Variants in SLC35F3 observed in about 807,000 individuals in gnomAD.
SLC35F3 encodes the protein solute carrier family 35 member F3, also known as putative thiamine transporter SLC35F3.
SLC35F3 carries 25 observed loss-of-function variants against 49.9 expected under a neutral mutation model. The ratio of observed to expected loss-of-function variants is 0.50; its 90% CI spans 0.37 to 0.70. The LOEUF (loss-of-function observed/expected upper bound fraction) is 0.70, where lower values mean the gene tolerates loss of function less well. Ranked by LOEUF, SLC35F3 falls within the 30% of genes least tolerant of loss-of-function variation. The probability of loss-of-function intolerance (pLI) is 0.00; values close to 1 mark genes in which losing one functional copy is unlikely to be tolerated. For synonymous variants in SLC35F3, 275 were observed against 265.4 expected (o/e 1.04, Z -0.35); for missense variants, 525 against 639.8 (o/e 0.82, Z 1.94).
At chr1:233,905,499 C>T in intron 1 of SLC35F3, 30 bp from the exon 2 acceptor site, 6 of 1,543,096 alleles carry the variant, frequency 3.9e-6, no homozygotes, top group Non-Finnish European at 3.5e-6. Flanking sequence ...CCCCTGCCCA[C>T]CCACCTGCCC....
chr1:233,979,704 C>T (rs7547991), intron 2 of SLC35F3, among the ~76,000 whole-genome samples: 73,975 of 152,012 alleles, frequency 0.49, 21,107 homozygotes, highest in African/African-American at 0.78. Context: ...ACTTCTTGCT[C>T]CTGGGGTTAA....
Position 234,214,548 on chromosome 1 carries a change from C to G in SLC35F3, c.284-16869C>G. On this transcript the variant is annotated intron_variant, in intron 2 of 7. Transcript: ENST00000366618. The surrounding 1 kb of genome is among the most constrained non-coding windows in gnomAD (Gnocchi z 8.0). ...GCCCCGCTCAGCGCCTGCAACAGTC[C>G]GGTCCTGACCCTTACCAAAGTGGAA... 1.3e-6 allele frequency: 2 copies of G among 1,559,436 alleles called. No individual in the cohort carries two copies. Among genetic ancestry groups the G allele is most frequent in the Non-Finnish European group, 1.7e-6 (2 of 1,155,236 alleles).
At chr1:234,097,971 T>C (rs1303105291) in intron 2 of SLC35F3, among the ~76,000 whole-genome samples, 1 of 151,680 alleles carries the variant, frequency 6.6e-6, no homozygotes, top group African/African-American at 2.4e-5. Flanking sequence ...GTGTTGGTGG[T>C]GGCAGTTCAG....
intron 2 of SLC35F3, among the ~76,000 whole-genome samples, chr1:234,159,556 A>T (rs948349664): frequency 1.3e-5 from 2 of 152,174 alleles, no homozygotes; most frequent in Non-Finnish European, 2.9e-5. Context: ...CGTCTCAAAA[A>T]AAAAAGAACC....
intron 2 of SLC35F3, among the ~76,000 whole-genome samples, chr1:234,108,248 GAT>G (rs1309530306): frequency 5.0e-5 from 4 of 80,552 alleles, no homozygotes; most frequent in South Asian, 3.5e-4. Flanking sequence ...ATATATAAAA[GAT>G]ATATATATTT....
intron 3 of SLC35F3, among the ~76,000 whole-genome samples, chr1:234,255,053 A>G (rs1050599481): frequency 6.6e-6 from 1 of 152,246 alleles, no homozygotes; most frequent in Non-Finnish European, 1.5e-5. Context: ...GCTCTGTGAA[A>G]GAGATTGTTA....
intron 2 of SLC35F3, among the ~76,000 whole-genome samples, chr1:233,928,361 T>TCA (rs1662192383): frequency 6.6e-6 from 1 of 152,168 alleles, no homozygotes; most frequent in African/African-American, 2.4e-5. Context: ...TTTCCTTTAC[T>TCA]CACAAATAAT....
At chr1:234,166,529 G>A (rs1264073855) in intron 2 of SLC35F3, among the ~76,000 whole-genome samples, 1 of 152,156 alleles carries the variant, frequency 6.6e-6, no homozygotes, top group Non-Finnish European at 1.5e-5. Context: ...TGGGCTGTGT[G>A]TGCCTGTCTG....
rs147040837 is a variant in SLC35F3 at position 234,157,182 on chromosome 1, A to G, written c.284-74235A>G. On this transcript the variant is annotated intron_variant, in intron 2 of 7. Transcript: ENST00000366618. ...AGAATGATACTCTTAACAATAGGGGAAAAATCTGTATGTTTTACCTCCTCC... is the reference window on the plus strand; with the variant it reads ...AGAATGATACTCTTAACAATAGGGGGAAAATCTGTATGTTTTACCTCCTCC... Among the ~76,000 whole-genome samples, 680 of 152,296 alleles carry G rather than the reference A, an allele frequency of 4.5e-3. 7 individuals are homozygous for G. Among genetic ancestry groups the G allele is most frequent in the African/African-American group, 0.015 (633 of 41,552 alleles).
At chr1:234,292,079 G>C (rs1668518315) in intron 3 of SLC35F3, among the ~76,000 whole-genome samples, 1 of 152,230 alleles carries the variant, frequency 6.6e-6, no homozygotes, top group Non-Finnish European at 1.5e-5. Flanking sequence ...CTGCATCTTG[G>C]AGTGAGGGAG....
At chr1:234,206,664 A>G (rs1387906459) in intron 2 of SLC35F3, among the ~76,000 whole-genome samples, 1 of 152,130 alleles carries the variant, frequency 6.6e-6, no homozygotes, top group African/African-American at 2.4e-5. Flanking sequence ...CACCGTAGAG[A>G]GTTGACAGCC....
chr1:234,083,423 T>G (rs1250774023), intron 2 of SLC35F3, among the ~76,000 whole-genome samples: 2 of 152,234 alleles, frequency 1.3e-5, no homozygotes, highest in Non-Finnish European at 2.9e-5. Flanking sequence ...TGCTCTGTTG[T>G]GCATTGGCAT....
At chr1:234,081,539 T>A (rs1284314221) in intron 2 of SLC35F3, among the ~76,000 whole-genome samples, 1 of 152,086 alleles carries the variant, frequency 6.6e-6, no homozygotes, top group African/African-American at 2.4e-5. Context: ...GGGGTGAATA[T>A]CCTTCCATTA....
At chr1:234,069,890 A>G (rs780203432) in intron 2 of SLC35F3, among the ~76,000 whole-genome samples, 1 of 152,160 alleles carries the variant, frequency 6.6e-6, no homozygotes, top group Non-Finnish European at 1.5e-5. Context: ...ACTGTGCTAC[A>G]TTCTGGCTGC....
At chr1:234,023,793 G>A (rs904656417) in intron 2 of SLC35F3, among the ~76,000 whole-genome samples, 3 of 150,906 alleles carry the variant, frequency 2.0e-5, no homozygotes, top group African/African-American at 7.3e-5. Context: ...CTTCTTCCCC[G>A]AGCCCAATAA....
chr1:234,228,675 T>C (rs1667323087), intron 2 of SLC35F3, among the ~76,000 whole-genome samples: 1 of 152,084 alleles, frequency 6.6e-6, no homozygotes. Flanking sequence ...TTTTTCAGTG[T>C]GTGTGTGTGG....
intron 2 of SLC35F3, among the ~76,000 whole-genome samples, chr1:233,955,781 T>TC (rs1662688165): frequency 6.6e-6 from 1 of 151,530 alleles, no homozygotes; most frequent in Non-Finnish European, 1.5e-5. Flanking sequence ...TTTTTTTTTT[T>TC]TGAGACGGAG....
intron 2 of SLC35F3, among the ~76,000 whole-genome samples, chr1:234,173,459 G>T (rs945260359): frequency 1.6e-4 from 25 of 152,238 alleles, no homozygotes; most frequent in Non-Finnish European, 2.9e-4. Context: ...CAGCCTGGCT[G>T]CAGGGTCTTT....
intron 4 of SLC35F3, among the ~76,000 whole-genome samples, chr1:234,314,368 G>A (rs1440070541): frequency 6.6e-6 from 1 of 152,192 alleles, no homozygotes; most frequent in African/African-American, 2.4e-5. Flanking sequence ...GGTTGGAAAT[G>A]TGCCCTGCAA....
Sources: allele counts gnomAD v4.1 joint callset (sites outside exome capture counted in the v4.1 genomes callset), GRCh38; gene constraint gnomAD v4.1.1; non-coding constraint Gnocchi (gnomAD v3.1); transcripts MANE v1.5; gene names NCBI Gene and HGNC (gene_info 2026-07-23, HGNC 2026-07-21).